The following CCSER1 variants were observed in gnomAD, a reference collection of about 807,000 sequenced individuals.
The protein encoded by CCSER1 is coiled-coil serine rich protein 1.
In CCSER1, 41 loss-of-function variants were observed where a neutral mutation model predicts 82.0. That is an observed-to-expected ratio of 0.50 (90% confidence interval 0.39 to 0.65). CCSER1 has a LOEUF of 0.65. Among genes scored for constraint, CCSER1 ranks in the 30% least tolerant of loss-of-function variants. The pLI is 0.00. For synonymous variants in CCSER1, 414 were observed against 383.9 expected (o/e 1.08, Z -0.92); for missense variants, 1,119 against 1,064.2 (o/e 1.05, Z -0.72).
chr4:90,845,991 T>C (rs1763198469), intron 8 of CCSER1, among the ~76,000 whole-genome samples: 1 of 152,174 alleles, frequency 6.6e-6, no homozygotes, highest in Admixed American at 6.5e-5. Context: ...TTATTAACCA[T>C]AAATGCTCAA....
In CCSER1 at chr4:90,950,660, C is replaced by A. The variant is rs533554709; in HGVS notation, c.2172+27213C>A. On this transcript the variant is annotated intron_variant, in intron 9 of 10. Coordinates refer to ENST00000509176, the MANE Select transcript of CCSER1 (RefSeq NM_001145065.2). The stretch of plus-strand genomic sequence containing the variant: ...AGAGCCAAGAGGCATACAGTGATAA[C>A]CTTTTTAACAAGCATATATGGCCAT... 6.6e-5 allele frequency among the ~76,000 whole-genome samples: 10 copies of A among 152,140 alleles called. No homozygotes were observed. In the South Asian group the frequency reaches 1.0e-3, roughly 16 times the overall value.
At position 91,310,177 on chromosome 4, in the gene CCSER1, G is replaced by A. The variant is rs184481096; in HGVS notation, c.2217+224183G>A. On this transcript the variant is annotated intron_variant, in intron 10 of 10. Transcript: ENST00000509176. ...TTTAGACACTCTTATGCCACATCCC[G>A]TGTTCTGCATTCCATGATTGTGGCT... 1.8e-4 allele frequency among the ~76,000 whole-genome samples: 28 copies of A among 151,936 alleles called. No individual in the cohort carries two copies. In the South Asian group the frequency reaches 3.3e-3, roughly 18 times the overall value.
intron 5 of CCSER1, among the ~76,000 whole-genome samples, chr4:90,552,604 T>TA (rs1423065280): frequency 1.3e-5 from 2 of 151,870 alleles, no homozygotes; most frequent in African/African-American, 4.8e-5. Flanking sequence ...ACCATAAGCA[T>TA]AACACTACAC....
chr4:90,705,431 TGAG>T (rs1208084051), intron 6 of CCSER1, among the ~76,000 whole-genome samples: 1 of 152,174 alleles, frequency 6.6e-6, no homozygotes, highest in East Asian at 1.9e-4. Flanking sequence ...GGGACCCACT[TGAG>T]GAGGCAGTCT....
chr4:91,561,983 A>G (rs546068231), intron 10 of CCSER1, among the ~76,000 whole-genome samples: 2 of 151,488 alleles, frequency 1.3e-5, no homozygotes, highest in Non-Finnish European at 3.0e-5. Flanking sequence ...ATCTGACCTC[A>G]TAAGAGCAGT....
chr4:90,264,329 A>G (rs771345825), intron 1 of CCSER1, among the ~76,000 whole-genome samples: 2 of 152,148 alleles, frequency 1.3e-5, no homozygotes, highest in African/African-American at 4.8e-5. Context: ...TATTGTGTAT[A>G]CATTGCATTT....
chr4:90,943,969 C>T (rs1003532660), intron 9 of CCSER1, among the ~76,000 whole-genome samples: 3 of 151,798 alleles, frequency 2.0e-5, no homozygotes, highest in African/African-American at 7.2e-5. Flanking sequence ...CGTTGTGGCT[C>T]ACGCCTGTAA....
At chr4:90,850,419 C>T (rs1370117010) in intron 8 of CCSER1, among the ~76,000 whole-genome samples, 1 of 152,204 alleles carries the variant, frequency 6.6e-6, no homozygotes, top group African/African-American at 2.4e-5. Context: ...AAACACTCAA[C>T]CCCAGCTGTG....
intron 1 of CCSER1, among the ~76,000 whole-genome samples, chr4:90,272,549 A>T (rs1726740247): frequency 1.3e-5 from 2 of 152,170 alleles, no homozygotes. Context: ...TAGGTATCCC[A>T]CTGCTAGGTA....
intron 8 of CCSER1, among the ~76,000 whole-genome samples, chr4:90,893,797 G>A (rs1416712238): frequency 6.7e-6 from 1 of 149,382 alleles, no homozygotes; most frequent in Admixed American, 6.7e-5. Context: ...GTGTGTGGGG[G>A]GTGAATTTTT....
chr4:91,121,131 T>A (rs1246748706), intron 10 of CCSER1, among the ~76,000 whole-genome samples: 7 of 151,804 alleles, frequency 4.6e-5, no homozygotes, highest in Non-Finnish European at 1.0e-4. Flanking sequence ...TCTTTTTTTT[T>A]TTCTCATGTG....
In CCSER1 at chr4:90,309,285, C is replaced by G. The variant is rs1383349369; in HGVS notation, c.1001C>G (p.Ser334Cys). The G allele has an allele frequency of 6.2e-7, 1 of 1,613,710 alleles. No homozygotes were observed. The highest frequency in any genetic ancestry group is 8.5e-7 in the Non-Finnish European group (1 of 1,179,810). The change falls in exon 2 of 11, where the codon TCT becomes TGT. Residue 334 changes from serine to cysteine, a missense_variant. Transcript: ENST00000509176. ...TTAGAGGGTCAATGTAGCACTGAAT[C>G]TAATTCATTACCGGAAACCTCTGCT... is the stretch of plus-strand genomic sequence containing the variant. ...YRLEGQCSTE[S>C]NSLPETSAAN...
intron 10 of CCSER1, among the ~76,000 whole-genome samples, chr4:91,547,780 TG>T (rs1292013799): frequency 6.6e-6 from 1 of 152,156 alleles, no homozygotes; most frequent in South Asian, 2.1e-4. Context: ...CTGAGTTTTT[TG>T]TTTTTTTGTT....
intron 1 of CCSER1, among the ~76,000 whole-genome samples, chr4:90,242,788 A>C (rs1422021243): frequency 6.6e-6 from 1 of 152,232 alleles, no homozygotes; most frequent in East Asian, 1.9e-4. Flanking sequence ...CAAATTATTC[A>C]GGACCTGTTG....
intron 8 of CCSER1, among the ~76,000 whole-genome samples, chr4:90,822,764 G>A (rs1759933147): frequency 6.9e-6 from 1 of 144,924 alleles, no homozygotes; most frequent in Non-Finnish European, 1.5e-5. Context: ...CTATTTAAAA[G>A]TCCAATTCAA....
chr4:90,795,625 G>A (rs1755900586), intron 7 of CCSER1, among the ~76,000 whole-genome samples: 3 of 152,194 alleles, frequency 2.0e-5, no homozygotes, highest in Non-Finnish European at 2.9e-5. Context: ...AGCGTTGGCT[G>A]TGGGTTTGTC....
At chr4:91,179,367 A>C (rs779012966) in intron 10 of CCSER1, among the ~76,000 whole-genome samples, 1 of 152,224 alleles carries the variant, frequency 6.6e-6, no homozygotes, top group African/African-American at 2.4e-5. Flanking sequence ...AGGTTGGGGA[A>C]GTTCTCATGG....
At chr4:90,819,399 T>C (rs10516879) in intron 8 of CCSER1, among the ~76,000 whole-genome samples, 36,107 of 152,040 alleles carry the variant, frequency 0.24, 4,367 homozygotes, top group East Asian at 0.3. Flanking sequence ...GACTGTTTAA[T>C]ATTAGCAAGT....
At chr4:90,735,139 A>G (rs1435233741) in intron 7 of CCSER1, among the ~76,000 whole-genome samples, 1 of 152,116 alleles carries the variant, frequency 6.6e-6, no homozygotes, top group Non-Finnish European at 1.5e-5. Context: ...TGATTTTTGT[A>G]TGTTAAACCA....
Sources: allele counts gnomAD v4.1 joint callset (sites outside exome capture counted in the v4.1 genomes callset), GRCh38; gene constraint gnomAD v4.1.1; transcripts MANE v1.5; gene names NCBI Gene and HGNC (gene_info 2026-07-23, HGNC 2026-07-21).